The following MAPKAPK5 variants were observed in gnomAD, a reference collection of about 807,000 sequenced individuals.
MAPKAPK5 encodes MAPK activated protein kinase 5, also known as MAP kinase-activated protein kinase 5.
MAPKAPK5 carries 30 observed loss-of-function variants against 65.1 expected under a neutral mutation model. The ratio of observed to expected loss-of-function variants is 0.46; its 90% CI spans 0.34 to 0.63. MAPKAPK5 has a LOEUF of 0.63. Ranked by LOEUF, MAPKAPK5 falls within the 20% of genes least tolerant of loss-of-function variation. MAPKAPK5 has a pLI of 0.01. For synonymous variants in MAPKAPK5, 179 were observed against 204.6 expected (o/e 0.87, Z 1.07); for missense variants, 433 against 581.4 (o/e 0.74, Z 2.63).
Position 111,867,664 on chromosome 12 carries a change from C to G in MAPKAPK5, c.279C>G (p.Ser93Arg), listed in dbSNP as rs984945842. ...GTGTCCAGTTTCCCCATGAGTCCAG[C>G]CCTAGGTAAGACTACACAGTGTCAT... ...ANSVQFPHES[S>R]PRARLLIVME... The change falls in exon 4 of 14, where the codon AGC becomes AGG. Residue 93 changes from serine (S) to arginine (R), a missense_variant. This residue lies in a region of MAPKAPK5 where 165 missense variants were observed against 180.0 expected (regional missense o/e 0.92). Transcript: ENST00000550735. The G allele has an allele frequency of 6.2e-6, 10 of 1,612,370 alleles. No individual in the cohort carries two copies. Among genetic ancestry groups the G allele is most frequent in the Non-Finnish European group, 7.6e-6 (9 of 1,178,580 alleles).
chr12:111,900,365 G>T lies in MAPKAPK5; in HGVS notation c.*7304G>T. 2 of 456,078 alleles carry T rather than the reference G, an allele frequency of 4.4e-6. No individual in the cohort carries two copies. The highest frequency in any genetic ancestry group is 8.8e-6 in the Non-Finnish European group (2 of 226,806). 28.3% of individuals were successfully genotyped at this position (456,078 alleles called of 1,614,324 possible). A position where few individuals can be genotyped will look rare whatever the true frequency, so the allele number is the denominator to read the frequency against. The stretch of plus-strand genomic sequence containing the variant: ...TGTTTGCAGCCCTGATGGCCCATGA[G>T]CTCGGGCACAACCTGGGTATTCAGC... On this transcript the variant is annotated 3_prime_UTR_variant, in exon 14 of 14. Coordinates refer to ENST00000550735, the MANE Select transcript of MAPKAPK5 (RefSeq NM_003668.4).
In MAPKAPK5 at chr12:111,895,424, G is replaced by A. The variant is rs776234943; in HGVS notation, c.*2363G>A. 1 of 151,554 alleles carries A rather than the reference G, an allele frequency of 6.6e-6. No homozygotes were observed. The highest frequency in any genetic ancestry group is 2.1e-4 in the South Asian group (1 of 4,786). The allele number at this position is 151,554 out of a possible 1,614,324, so 9.4% of individuals were successfully genotyped here. A position where few individuals can be genotyped will look rare whatever the true frequency, so the allele number is the denominator to read the frequency against. On this transcript the variant is annotated 3_prime_UTR_variant, in exon 14 of 14. Coordinates refer to ENST00000550735, the MANE Select transcript of MAPKAPK5 (RefSeq NM_003668.4). Reference sequence around the variant, plus strand: ...CCTACATTGGTTCCTTTTTATCTTGGAGAATTTAATTGAAAGATATTTTTT... The same window carrying A: ...CCTACATTGGTTCCTTTTTATCTTGAAGAATTTAATTGAAAGATATTTTTT...
At chr12:111,872,827 A>G (rs2069827593) in intron 7 of MAPKAPK5, among the ~76,000 whole-genome samples, 1 of 152,116 alleles carries the variant, frequency 6.6e-6, no homozygotes, top group Non-Finnish European at 1.5e-5. Context: ...TAAGGACCCT[A>G]CTGATCACAT....
chr12:111,900,638 A>T lies in MAPKAPK5; in HGVS notation c.*7577A>T. 5 of 456,134 alleles carry T rather than the reference A, an allele frequency of 1.1e-5. No individual in the cohort carries two copies. The Middle Eastern group carries it at 1.6e-3, about 149-fold the overall frequency. 28.3% of individuals were successfully genotyped at this position (456,134 alleles called of 1,614,324 possible). A position where few individuals can be genotyped will look rare whatever the true frequency, so the allele number is the denominator to read the frequency against. On this transcript the variant is annotated 3_prime_UTR_variant, in exon 14 of 14. Transcript: ENST00000550735. ...GTGGTTCTCTATGTCAGCATCATGCATGCTGTGATGAAAACTGTATACTGA... is the reference window on the plus strand; with the variant it reads ...GTGGTTCTCTATGTCAGCATCATGCTTGCTGTGATGAAAACTGTATACTGA...
intron 1 of MAPKAPK5, among the ~76,000 whole-genome samples, chr12:111,863,119 C>G (rs2136099755): frequency 6.6e-6 from 1 of 152,190 alleles, no homozygotes. Context: ...TGGAAAGGTG[C>G]TTAGGGTAGG....
In MAPKAPK5 at chr12:111,883,747, T is replaced by TGTTGTGA. The variant is rs745558333; in HGVS notation, c.828_829insTTGTGAG (p.Ala277LeufsTer2). The TGTTGTGA allele has an allele frequency of 3.7e-6, 6 of 1,613,744 alleles. No individual in the cohort carries two copies. Among genetic ancestry groups the TGTTGTGA allele is most frequent in the Non-Finnish European group, 5.1e-6 (6 of 1,179,808 alleles). On this transcript the variant is annotated stop_gained and frameshift_variant, in exon 9 of 14. Transcript: ENST00000550735. LOFTEE classifies it high-confidence loss of function. This position sits in a 1 kb window ranked among gnomAD's most constrained non-coding sequence, Gnocchi z 4.8. ...GAAGAGTGGAGTCAGATCTCAGAGATGGCCAAAGATGTTGTGAGGAAGTGA... is the reference window on the plus strand; with the variant it reads ...GAAGAGTGGAGTCAGATCTCAGAGATGTTGTGAGGCCAAAGATGTTGTGAGGAAGTGA...
chr12:111,873,332 TTTTG>T (rs949072150), intron 7 of MAPKAPK5, among the ~76,000 whole-genome samples: 170 of 152,106 alleles, frequency 1.1e-3, no homozygotes, highest in African/African-American at 3.3e-3. Context: ...AATTGCAGTT[TTTTG>T]TTTGTTTGTT....
chr12:111,856,963 T>C (rs2069261314), intron 1 of MAPKAPK5, among the ~76,000 whole-genome samples: 1 of 152,216 alleles, frequency 6.6e-6, no homozygotes, highest in South Asian at 2.1e-4. Flanking sequence ...TCTGGATATG[T>C]ATTTTTGAAA....
At chr12:111,881,695 C>T (rs2070238157) in intron 8 of MAPKAPK5, among the ~76,000 whole-genome samples, 1 of 152,234 alleles carries the variant, frequency 6.6e-6, no homozygotes, top group East Asian at 1.9e-4. Flanking sequence ...CGTGAGCCAC[C>T]GTGCCCAGCC....
intron 7 of MAPKAPK5, among the ~76,000 whole-genome samples, chr12:111,873,167 G>C (rs779616589): frequency 6.6e-6 from 1 of 151,908 alleles, no homozygotes; most frequent in African/African-American, 2.4e-5. Flanking sequence ...TTTTACATTT[G>C]GGTCTGTAAT....
At chr12:111,856,223 C>CAAATT (rs2069235012) in intron 1 of MAPKAPK5, among the ~76,000 whole-genome samples, 3 of 152,154 alleles carry the variant, frequency 2.0e-5, no homozygotes. Context: ...GGCTTAATTC[C>CAAATT]ATGGTGGTTG....
At chr12:111,859,948 G>A (rs181374070) in intron 1 of MAPKAPK5, among the ~76,000 whole-genome samples, 154 of 152,238 alleles carry the variant, frequency 1.0e-3, no homozygotes, top group African/African-American at 3.4e-3. Context: ...CGTGCCCAGC[G>A]AATCCCAGCT....
At chr12:111,845,288 C>T (rs2068871756) in intron 1 of MAPKAPK5, among the ~76,000 whole-genome samples, 2 of 152,042 alleles carry the variant, frequency 1.3e-5, no homozygotes, top group Admixed American at 6.6e-5. Flanking sequence ...CCACGCCCGG[C>T]TATTTTTGTT....
intron 7 of MAPKAPK5, 130 bp downstream of exon 7, chr12:111,871,310 C>A: frequency 1.4e-6 from 1 of 700,434 alleles, no homozygotes; most frequent in Non-Finnish European, 2.4e-6. Flanking sequence ...TAGAAACCTA[C>A]AGATTGCTTT....
Position 111,883,747 on chromosome 12 carries a change from TG to T in MAPKAPK5, c.829del (p.Ala277ProfsTer5), listed in dbSNP as rs750747789. 6.2e-7 allele frequency: 1 copy of T among 1,613,744 alleles called. No individual in the cohort carries two copies. The highest frequency in any genetic ancestry group is 1.3e-5 in the African/African-American group (1 of 75,022). ...GAAGAGTGGAGTCAGATCTCAGAGA[TG>T]GCCAAAGATGTTGTGAGGAAGTGAG... Reference protein sequence around the residue: ...PEEEWSQISEMAKDVVRKLLK... With the variant: ...PEEEWSQISEXAKDVVRKLLK... On this transcript the variant is annotated frameshift_variant, in exon 9 of 14. Transcript: ENST00000550735. LOFTEE classifies it high-confidence loss of function. The surrounding 1 kb of genome is among the most constrained non-coding windows in gnomAD (Gnocchi z 4.8).
chr12:111,851,757 C>G (rs1378985992), intron 1 of MAPKAPK5, among the ~76,000 whole-genome samples: 1 of 152,198 alleles, frequency 6.6e-6, no homozygotes, highest in African/African-American at 2.4e-5. Flanking sequence ...ATGGAAAAAG[C>G]TGTGGAAGCC....
At chr12:111,848,779 G>GA (rs2068980897) in intron 1 of MAPKAPK5, among the ~76,000 whole-genome samples, 1 of 151,714 alleles carries the variant, frequency 6.6e-6, no homozygotes, top group Non-Finnish European at 1.5e-5. Flanking sequence ...ACTCAGGCTG[G>GA]AATGCAGTGG....
chr12:111,842,725 C>T lies in MAPKAPK5; in HGVS notation c.-9C>T. On this transcript the variant is annotated 5_prime_UTR_variant, in exon 1 of 14. Transcript: ENST00000550735. ...TCCGCCTCTCCCGGCTGTGGGGGCCCCACTGAGTATGTCGGAGGAGAGCGA... is the reference window on the plus strand; with the variant it reads ...TCCGCCTCTCCCGGCTGTGGGGGCCTCACTGAGTATGTCGGAGGAGAGCGA... 2 of 1,373,092 alleles carry T rather than the reference C, an allele frequency of 1.5e-6. No individual in the cohort carries two copies. Among genetic ancestry groups the T allele is most frequent in the Non-Finnish European group, 1.9e-6 (2 of 1,057,726 alleles). The allele number at this position is 1,373,092 out of a possible 1,614,324, so 85.1% of individuals were successfully genotyped here.
chr12:111,869,518 CA>C (rs1294327991), intron 5 of MAPKAPK5, among the ~76,000 whole-genome samples: 1 of 152,174 alleles, frequency 6.6e-6, no homozygotes, highest in Non-Finnish European at 1.5e-5. Context: ...AAGCACAGCC[CA>C]ATTGCTTCTT....
Sources: gnomAD v4.1 joint callset for allele counts (sites outside exome capture counted in the v4.1 genomes callset) on GRCh38, gnomAD v4.1.1 for gene constraint, gnomAD v4.1.1 regional missense constraint, Gnocchi (gnomAD v3.1) non-coding constraint, MANE v1.5 for transcripts, NCBI Gene and HGNC (gene_info 2026-07-23, HGNC 2026-07-21) for gene names.